The following ZFR variants were observed in gnomAD, a reference collection of about 807,000 sequenced individuals.
The protein encoded by ZFR is zinc finger RNA-binding protein.
A neutral mutation model predicts 130.7 loss-of-function variants in ZFR; 19 were observed. The ratio of observed to expected loss-of-function variants is 0.15; its 90% CI spans 0.10 to 0.21. The LOEUF (loss-of-function observed/expected upper bound fraction) is 0.21, where lower values mean the gene tolerates loss of function less well. ZFR is among the 10% of genes least tolerant of loss of function. The pLI is 1.00. For synonymous variants in ZFR, 466 were observed against 456.9 expected (o/e 1.02, Z -0.25); for missense variants, 872 against 1,321.5 (o/e 0.66, Z 5.27).
intron 6 of ZFR, among the ~76,000 whole-genome samples, chr5:32,404,805 G>C (rs868422092): frequency 2.0e-5 from 3 of 152,124 alleles, no homozygotes; most frequent in African/African-American, 7.2e-5. Flanking sequence ...TTGTGAGTAG[G>C]ACCAAATGGT....
In ZFR at chr5:32,364,034, G is replaced by A; in HGVS notation, c.2959C>T (p.Leu987Phe). ...SGIILKGSPG[L>F]LDPCEKDPFD... ...GGATCCTTTTCACAAGGATCCAGAA[G>A]TCCAGGACTACCTACAGCAATCACC... The change falls in exon 19 of 20, where the codon CTT (leucine) becomes TTT (phenylalanine). Residue 987 changes from leucine to phenylalanine, a missense_variant. Transcript: ENST00000265069. The A allele has an allele frequency of 6.2e-7, 1 of 1,614,020 alleles. No homozygotes were observed. Among genetic ancestry groups the A allele is most frequent in the Non-Finnish European group, 8.5e-7 (1 of 1,179,968 alleles).
chr5:32,427,414 A>C (rs1420598630), intron 2 of ZFR, among the ~76,000 whole-genome samples: 2 of 151,506 alleles, frequency 1.3e-5, no homozygotes, highest in East Asian at 1.9e-4. Context: ...AAAAGAAAAC[A>C]ACCTTACGAA....
At position 32,372,532 on chromosome 5, in the gene ZFR, T is replaced by C. The variant is rs77017992; in HGVS notation, c.2835+6583A>G. Among the ~76,000 whole-genome samples, 1,101 of 152,146 alleles carry C rather than the reference T, an allele frequency of 7.2e-3. 17 individuals are homozygous for C. The highest frequency in any genetic ancestry group is 0.025 in the African/African-American group (1,050 of 41,522). ...CAATCTTCCTTCCTCACCCTTAGCC[T>C]ATTCAATAAGAAGCTGAGGGCTGGG... On this transcript the variant is annotated intron_variant, in intron 17 of 19. Coordinates refer to ENST00000265069, the MANE Select transcript of ZFR (RefSeq NM_016107.5).
intron 19 of ZFR, 129 bp downstream of exon 19, chr5:32,363,819 G>T: frequency 1.5e-6 from 1 of 668,230 alleles, no homozygotes; most frequent in Non-Finnish European, 2.4e-6. Context: ...CTTTCTAGGG[G>T]CTTGCTTACT....
chr5:32,428,730 G>T (rs899891144), intron 2 of ZFR, among the ~76,000 whole-genome samples: 2 of 152,174 alleles, frequency 1.3e-5, no homozygotes, highest in African/African-American at 4.8e-5. Flanking sequence ...CCAGATGTTG[G>T]TGTTAGTTCT....
intron 19 of ZFR, among the ~76,000 whole-genome samples, chr5:32,359,888 G>C (rs865948464): frequency 6.6e-6 from 1 of 151,578 alleles, no homozygotes; most frequent in Non-Finnish European, 1.5e-5. Flanking sequence ...AGGCGGAGGT[G>C]AGCTGAGATT....
chr5:32,411,895 AT>A (rs1209090926), intron 5 of ZFR, among the ~76,000 whole-genome samples: 1 of 152,128 alleles, frequency 6.6e-6, no homozygotes, highest in Non-Finnish European at 1.5e-5. Flanking sequence ...GCATCCACAA[AT>A]TTTGGTATCA....
chr5:32,377,881 G>A (rs1752859829), intron 17 of ZFR, among the ~76,000 whole-genome samples: 2 of 151,806 alleles, frequency 1.3e-5, no homozygotes, highest in South Asian at 4.2e-4. Flanking sequence ...TAGTAGAGAC[G>A]AGGTTTCACT....
At chr5:32,411,350 T>C (rs1048067652) in intron 5 of ZFR, among the ~76,000 whole-genome samples, 3 of 152,192 alleles carry the variant, frequency 2.0e-5, no homozygotes, top group Non-Finnish European at 4.4e-5. Flanking sequence ...AGTCGCTCTC[T>C]GTATCCATCG....
intron 13 of ZFR, 68 bp from the exon 14 acceptor site, chr5:32,387,767 T>C (rs553251558): frequency 3.5e-6 from 5 of 1,420,530 alleles, no homozygotes; most frequent in South Asian, 1.6e-5. Context: ...TCTGTAAACA[T>C]ACAATAGTAA....
At chr5:32,411,772 T>C (rs1053714746) in intron 5 of ZFR, among the ~76,000 whole-genome samples, 1 of 148,518 alleles carries the variant, frequency 6.7e-6, no homozygotes, top group Non-Finnish European at 1.5e-5. Flanking sequence ...CATTTATATA[T>C]AGCACTTACA....
At chr5:32,427,544 T>C (rs1306005930) in intron 2 of ZFR, among the ~76,000 whole-genome samples, 2 of 152,082 alleles carry the variant, frequency 1.3e-5, no homozygotes, top group African/African-American at 2.4e-5. Context: ...AGGCAAACTA[T>C]TGTTAAGATG....
intron 2 of ZFR, among the ~76,000 whole-genome samples, chr5:32,428,697 T>G (rs146308460): frequency 6.6e-6 from 1 of 152,170 alleles, no homozygotes; most frequent in African/African-American, 2.4e-5. Context: ...ACACTTTGAG[T>G]AGTATAAAAG....
intron 17 of ZFR, among the ~76,000 whole-genome samples, chr5:32,370,075 C>A (rs922142817): frequency 6.7e-6 from 1 of 148,776 alleles, no homozygotes; most frequent in African/African-American, 2.5e-5. Context: ...CAACATTAAT[C>A]AATACAGTGG....
intron 9 of ZFR, among the ~76,000 whole-genome samples, chr5:32,398,154 C>T (rs1006432873): frequency 6.6e-5 from 10 of 152,094 alleles, no homozygotes; most frequent in Non-Finnish European, 1.5e-4. Flanking sequence ...CCATGCCTGG[C>T]CACTATCTTT....
At chr5:32,387,810 T>A (rs1753073458) in intron 13 of ZFR, 111 bp from the exon 14 acceptor site, 1 of 1,056,876 alleles carries the variant, frequency 9.5e-7, no homozygotes, top group Admixed American at 3.4e-5. Flanking sequence ...AAAATTTCCA[T>A]CAACCGCAGT....
Position 32,388,679 on chromosome 5 carries a change from A to G in ZFR, c.2143-5T>C, listed in dbSNP as rs921294896. 2.4e-5 allele frequency: 38 copies of G among 1,587,286 alleles called. No individual in the cohort carries two copies. The highest frequency in any genetic ancestry group is 3.1e-5 in the Non-Finnish European group (36 of 1,167,230). On this transcript the variant is annotated splice_polypyrimidine_tract_variant and splice_region_variant and intron_variant, in intron 12 of 19. Transcript: ENST00000265069. ...TGAGTCAGGACGACGTAAGGGCTACAGAGAAACAAAGTTGCTCAATTTAAA... is the reference window on the plus strand; with the variant it reads ...TGAGTCAGGACGACGTAAGGGCTACGGAGAAACAAAGTTGCTCAATTTAAA...
At chr5:32,395,333 A>C in intron 10 of ZFR, 29 bp from the exon 11 acceptor site, 6 of 1,479,054 alleles carry the variant, frequency 4.1e-6, no homozygotes, top group Non-Finnish European at 4.5e-6. Context: ...CATTTAAAAA[A>C]CAGCAGCCCC....
At chr5:32,393,674 G>T (rs539075830) in intron 11 of ZFR, among the ~76,000 whole-genome samples, 1 of 152,088 alleles carries the variant, frequency 6.6e-6, no homozygotes, top group Non-Finnish European at 1.5e-5. Flanking sequence ...AGTCTTGACA[G>T]GTATAACCCA....
Sources: gnomAD v4.1 joint callset for allele counts (sites outside exome capture counted in the v4.1 genomes callset) on GRCh38, gnomAD v4.1.1 for gene constraint, MANE v1.5 for transcripts, NCBI Gene and HGNC (gene_info 2026-07-23, HGNC 2026-07-21) for gene names.